The following RPTOR variants were observed in gnomAD, a reference collection of about 807,000 sequenced individuals.
RPTOR encodes regulatory associated protein of MTOR complex 1, also known as regulatory-associated protein of mTOR.
In RPTOR, 21 loss-of-function variants were observed where a neutral mutation model predicts 169.9. The observed-to-expected ratio is 0.12, with a 90% confidence interval of 0.09 to 0.18. The LOEUF is 0.18. Ranked by LOEUF, RPTOR falls within the 10% of genes least tolerant of loss-of-function variation. The pLI is 1.00. For synonymous variants in RPTOR, 732 were observed against 753.2 expected (o/e 0.97, Z 0.46); for missense variants, 1,133 against 1,855.9 (o/e 0.61, Z 7.16).
At chr17:80,896,568 G>A (rs377335756) in intron 20 of RPTOR, among the ~76,000 whole-genome samples, 4,753 of 150,086 alleles carry the variant, frequency 0.032, 182 homozygotes, top group African/African-American at 0.084. Context: ...CCACACAGCC[G>A]CGCCGACACC....
chr17:80,682,250 T>A (rs1258264280), intron 3 of RPTOR, among the ~76,000 whole-genome samples: 1 of 151,906 alleles, frequency 6.6e-6, no homozygotes, highest in Non-Finnish European at 1.5e-5. Flanking sequence ...ACTACAGACC[T>A]GCGCCACCAC....
At chr17:80,850,635 A>G (rs1351982674) in intron 11 of RPTOR, among the ~76,000 whole-genome samples, 25 of 152,226 alleles carry the variant, frequency 1.6e-4, no homozygotes, top group Admixed American at 1.6e-3. Flanking sequence ...GATCAGTGTG[A>G]GCATTTCATT....
intron 3 of RPTOR, among the ~76,000 whole-genome samples, chr17:80,696,454 C>T (rs2066037294): frequency 6.6e-6 from 1 of 152,130 alleles, no homozygotes; most frequent in South Asian, 2.1e-4. Flanking sequence ...TTCGTTAGTT[C>T]AAAGCGAGCA....
chr17:80,824,216 C>T (rs943771366), intron 9 of RPTOR, among the ~76,000 whole-genome samples: 3 of 152,196 alleles, frequency 2.0e-5, no homozygotes, highest in Admixed American at 6.5e-5. Context: ...CAGCATAGCA[C>T]TTGGACTTTA....
At chr17:80,602,832 C>A in intron 1 of RPTOR, 1 of 615,064 alleles carries the variant, frequency 1.6e-6, no homozygotes, top group Non-Finnish European at 3.0e-6. Flanking sequence ...TCCGTGGACG[C>A]GCTGGTGAAT....
intron 7 of RPTOR, among the ~76,000 whole-genome samples, chr17:80,814,041 T>C (rs1388800815): frequency 2.0e-5 from 3 of 151,884 alleles, no homozygotes; most frequent in African/African-American, 4.8e-5. Context: ...AGGCTGAGGC[T>C]GAGGTGGGAG....
At chr17:80,612,544 A>G (rs1183849766) in intron 1 of RPTOR, among the ~76,000 whole-genome samples, 1 of 152,244 alleles carries the variant, frequency 6.6e-6, no homozygotes, top group African/African-American at 2.4e-5. Flanking sequence ...ATCTGAAGCC[A>G]TTCTGATTTT....
intron 3 of RPTOR, among the ~76,000 whole-genome samples, chr17:80,685,627 ATTTTTTTTTTTTTT>A (rs1165540456): frequency 3.3e-5 from 1 of 30,698 alleles, no homozygotes; most frequent in Non-Finnish European, 5.4e-5. Flanking sequence ...ATATATATAT[ATTTTTTTTTTTTTT>A]TTTTTTTTTT....
chr17:80,693,806 G>A (rs1401972012), intron 3 of RPTOR, among the ~76,000 whole-genome samples: 1 of 152,206 alleles, frequency 6.6e-6, no homozygotes, highest in Non-Finnish European at 1.5e-5. Flanking sequence ...CTCAGATAGT[G>A]ACCTGGAAAA....
intron 7 of RPTOR, among the ~76,000 whole-genome samples, chr17:80,799,729 C>T (rs557528895): frequency 2.0e-5 from 3 of 149,506 alleles, no homozygotes; most frequent in East Asian, 1.9e-4. Context: ...CCCTGGCGGC[C>T]GCCCTGCACA....
chr17:80,674,070 A>G (rs9807041), intron 3 of RPTOR, among the ~76,000 whole-genome samples: 34,671 of 152,118 alleles, frequency 0.23, 4,033 homozygotes, highest in East Asian at 0.3. Flanking sequence ...TTTGTAAAGC[A>G]CCAATGATTT....
At chr17:80,626,601 G>T (rs1599612547) in intron 2 of RPTOR, among the ~76,000 whole-genome samples, 1 of 151,990 alleles carries the variant, frequency 6.6e-6, no homozygotes, top group Non-Finnish European at 1.5e-5. Flanking sequence ...TGTGTGGTAG[G>T]GTTTTTGCTA....
chr17:80,760,632 G>T (rs2066727376), intron 6 of RPTOR, among the ~76,000 whole-genome samples: 1 of 151,456 alleles, frequency 6.6e-6, no homozygotes. Flanking sequence ...GAAACAGGCA[G>T]TTGGCCAGAT....
At chr17:80,945,872 A>ATCTGCTTTTC in intron 26 of RPTOR, 91 bp downstream of exon 26, 1 of 715,536 alleles carries the variant, frequency 1.4e-6, no homozygotes, top group Non-Finnish European at 2.2e-6. Flanking sequence ...CTCTTCCTTG[A>ATCTGCTTTTC]AAAGCAGATA....
chr17:80,722,545 G>A (rs2066295815), intron 4 of RPTOR, among the ~76,000 whole-genome samples: 1 of 151,116 alleles, frequency 6.6e-6, no homozygotes, highest in Non-Finnish European at 1.5e-5. Flanking sequence ...ACGGCGCATA[G>A]ATGTCAGGTG....
chr17:80,708,128 A>C lies in RPTOR; in HGVS notation c.507+129A>C, dbSNP rs2066155211. The C allele has an allele frequency of 1.1e-6, 1 of 928,172 alleles. No individual in the cohort carries two copies. Among genetic ancestry groups the C allele is most frequent in the South Asian group, 1.7e-5 (1 of 58,022 alleles). The allele number at this position is 928,172 out of a possible 1,614,324, so 57.5% of individuals were successfully genotyped here. A position where few individuals can be genotyped will look rare whatever the true frequency, so the allele number is the denominator to read the frequency against. On this transcript the variant is annotated intron_variant, in intron 4 of 33. Coordinates refer to ENST00000306801, the MANE Select transcript of RPTOR (RefSeq NM_020761.3). This position sits in a 1 kb window ranked among gnomAD's most constrained non-coding sequence, Gnocchi z 4.2. ...TGTTTACTGTGTTTCAACAAACCCAAATGCCATAACTGAACGGACCAGGTA... is the reference window on the plus strand; with the variant it reads ...TGTTTACTGTGTTTCAACAAACCCACATGCCATAACTGAACGGACCAGGTA...
rs1363712588 is a variant in RPTOR, at chr17:80,695,902, C to T, written c.349-11939C>T. On this transcript the variant is annotated intron_variant, in intron 3 of 33. Transcript: ENST00000306801. This position sits in a 1 kb window ranked among gnomAD's most constrained non-coding sequence, Gnocchi z 4.9. ...GCCTCGTGGCTGCCTTTTCTACCTG[C>T]GTGAGCTGGCTTTGATCTACCCCGG... is the stretch of plus-strand genomic sequence containing the variant. 6.6e-6 allele frequency among the ~76,000 whole-genome samples: 1 copy of T among 152,164 alleles called. No homozygotes were observed. Among genetic ancestry groups the T allele is most frequent in the Non-Finnish European group, 1.5e-5 (1 of 68,022 alleles).
In RPTOR at chr17:80,611,475, C is replaced by G. The variant is rs190007881; in HGVS notation, c.163-14216C>G. Among the ~76,000 whole-genome samples, 608 of 152,150 alleles carry G rather than the reference C, an allele frequency of 4.0e-3. 2 individuals are homozygous for G. Among genetic ancestry groups the G allele is most frequent in the Admixed American group, 7.0e-3 (107 of 15,272 alleles). On this transcript the variant is annotated intron_variant, in intron 1 of 33. Transcript: ENST00000306801. ...AGAGAGGGGGTTTCACCATGTTGGC[C>G]AGGCTGGTCTTGAACTCCTGACCTA...
chr17:80,546,527 ACACC>A (rs1425190703), intron 1 of RPTOR, among the ~76,000 whole-genome samples: 1 of 32,056 alleles, frequency 3.1e-5, no homozygotes, highest in Non-Finnish European at 1.7e-4. Flanking sequence ...CCTTCATAAA[ACACC>A]CATCTATTTC....
Sources: allele counts gnomAD v4.1 joint callset (sites outside exome capture counted in the v4.1 genomes callset), GRCh38; gene constraint gnomAD v4.1.1; non-coding constraint Gnocchi (gnomAD v3.1); transcripts MANE v1.5; gene names NCBI Gene and HGNC (gene_info 2026-07-23, HGNC 2026-07-21).